The following IRF3 variants were observed in gnomAD, a reference collection of about 807,000 sequenced individuals.
The protein encoded by IRF3 is interferon regulatory factor 3.
In IRF3, 29 loss-of-function variants were observed where a neutral mutation model predicts 43.2. That is an observed-to-expected ratio of 0.67 (90% CI 0.50 to 0.91). The LOEUF (loss-of-function observed/expected upper bound fraction) is 0.91. IRF3 is among the 40% of genes least tolerant of loss of function. The probability of loss-of-function intolerance (pLI) is 0.00; values close to 1 mark genes in which losing one functional copy is unlikely to be tolerated. For missense variants in IRF3, 505 were observed against 559.1 expected (o/e 0.90, Z 0.98); for synonymous variants, 228 against 233.9 (o/e 0.97, Z 0.23).
chr19:49,661,048 C>T (rs1234020064), intron 6 of IRF3: 1 of 560,176 alleles, frequency 1.8e-6, no homozygotes, highest in Non-Finnish European at 3.2e-6. Flanking sequence ...CCCCAAGCCT[C>T]AGCATTCATA....
At chr19:49,664,360 C>T in intron 2 of IRF3, 1 of 1,020,644 alleles carries the variant, frequency 9.8e-7, no homozygotes, top group Non-Finnish European at 1.4e-6. Flanking sequence ...CAAGAACCAT[C>T]CCCCAGTATC....
At chr19:49,659,984 T>TACACACACACACATATACACACACAC (rs1421545567) in intron 7 of IRF3, 151 bp from the exon 8 acceptor site, 10 of 323,966 alleles carry the variant, frequency 3.1e-5, no homozygotes, top group Admixed American at 1.1e-4. Flanking sequence ...GTTGTAGTTT[T>TACACACACACACATATACACACACAC]ACACACACAC....
Position 49,663,238 on chromosome 19 carries a change from G to T in IRF3, c.358C>A (p.Pro120Thr). ...CCATTGGTGTCCGGAGAGGTGTCTGGCTGGGAAAAGTCCCCAACTCCTGTT... is the reference window on the plus strand; with the variant it reads ...CCATTGGTGTCCGGAGAGGTGTCTGTCTGGGAAAAGTCCCCAACTCCTGTT... ...VNSGVGDFSQPDTSPDTNGGG... is the reference protein window; with the variant it reads ...VNSGVGDFSQTDTSPDTNGGG... The change falls in exon 4 of 8, where the codon CCA (proline) becomes ACA (threonine). Residue 120 changes from proline (P) to threonine (T), a missense_variant. Physicochemically the swap from Pro to Thr is conservative, Grantham distance 38. Transcript: ENST00000377139. The T allele has an allele frequency of 6.2e-7, 1 of 1,614,132 alleles. No homozygotes were observed. Among genetic ancestry groups the T allele is most frequent in the Non-Finnish European group, 8.5e-7 (1 of 1,180,002 alleles).
chr19:49,663,603 C>T (rs2081459868), intron 2 of IRF3, 89 bp from the exon 3 acceptor site: 1 of 1,276,178 alleles, frequency 7.8e-7, no homozygotes, highest in African/African-American at 1.5e-5. Flanking sequence ...GTCCTAACAC[C>T]ACCCTCTTTC....
chr19:49,660,093 A>ATACACACACACATACACAC (rs2081250663), intron 7 of IRF3, among the ~76,000 whole-genome samples: 3 of 130,582 alleles, frequency 2.3e-5, no homozygotes, highest in African/African-American at 1.0e-4. Flanking sequence ...CACACACACA[A>ATACACACACACATACACAC]ACACACACAC....
chr19:49,664,887 C>A, intron 1 of IRF3, 41 bp from the exon 2 acceptor site: 1 of 1,577,138 alleles, frequency 6.3e-7, no homozygotes. Flanking sequence ...CCGGCCTCCC[C>A]CGGACCCACC....
Position 49,659,705 on chromosome 19 carries a change from C to T in IRF3, c.1227G>A (p.Lys409=). ...HPLSLTSDQY[K]AYLQDLVEGM... Reference sequence around the variant, plus strand: ...CCTCCACCAAGTCCTGCAGGTAGGCCTTGTACTGGTCGGAGGTGAGGGAGA... The same window carrying T: ...CCTCCACCAAGTCCTGCAGGTAGGCTTTGTACTGGTCGGAGGTGAGGGAGA... Residue 409 remains lysine, a synonymous_variant, in exon 8 of 8, where the codon AAG becomes AAA. Coordinates refer to ENST00000377139, the MANE Select transcript of IRF3 (RefSeq NM_001571.6). 6.2e-7 allele frequency: 1 copy of T among 1,613,904 alleles called. No homozygotes were observed. The highest frequency in any genetic ancestry group is 8.5e-7 in the Non-Finnish European group (1 of 1,179,912).
rs115732479 is a variant in IRF3, at chr19:49,665,280, C to T, written c.-9+351G>A. 2.3e-3 allele frequency: 415 copies of T among 179,562 alleles called. 2 individuals are homozygous for T. The highest frequency in any genetic ancestry group is 9.3e-3 in the African/African-American group (393 of 42,046). 11.1% of individuals were successfully genotyped at this position (179,562 alleles called of 1,614,324 possible). A position where few individuals can be genotyped will look rare whatever the true frequency, so the allele number is the denominator to read the frequency against. On this transcript the variant is annotated intron_variant, in intron 1 of 7. Coordinates refer to ENST00000377139, the MANE Select transcript of IRF3 (RefSeq NM_001571.6). ...CCACAGTCCCCCTACAGAAGATCTC[C>T]CAAAACATTTCCAACACAGAACTTC...
At position 49,660,796 on chromosome 19, in the gene IRF3, A is replaced by G; in HGVS notation, c.1015T>C (p.Ser339Pro). 6.2e-7 allele frequency: 1 copy of G among 1,608,822 alleles called. No homozygotes were observed. The highest frequency in any genetic ancestry group is 8.5e-7 in the Non-Finnish European group (1 of 1,177,944). Residue 339 changes from serine (S) to proline (P), a missense_variant, in exon 7 of 8, where the codon TCA becomes CCA. Transcript: ENST00000377139. ...CAGAACCAGAGGGCATAGCGTGGTGAGCGTCCGCTTCCTTCCGTGAAGGTA... is the reference window on the plus strand; with the variant it reads ...CAGAACCAGAGGGCATAGCGTGGTGGGCGTCCGCTTCCTTCCGTGAAGGTA... ...LITFTEGSGR[S>P]PRYALWFCVG...
At chr19:49,662,943 G>A (rs1028875152) in intron 4 of IRF3, among the ~76,000 whole-genome samples, 1 of 152,192 alleles carries the variant, frequency 6.6e-6, no homozygotes, top group African/African-American at 2.4e-5. Flanking sequence ...TTCCCAAGAG[G>A]CTGACAGCCC....
Position 49,665,615 on chromosome 19 carries a change from G to T in IRF3, c.-9+16C>A. The T allele has an allele frequency of 1.6e-6, 1 of 609,508 alleles. No individual in the cohort carries two copies. The highest frequency in any genetic ancestry group is 2.8e-6 in the Non-Finnish European group (1 of 355,922). 37.8% of individuals were successfully genotyped at this position (609,508 alleles called of 1,614,324 possible). On this transcript the variant is annotated intron_variant, in intron 1 of 7. Coordinates refer to ENST00000377139, the MANE Select transcript of IRF3 (RefSeq NM_001571.6). ...CTCGGACGCCACCAACGCTCTCCCG[G>T]GCTCTTCCGCGTTACCTACGATGGA...
chr19:49,665,579 C>G (rs1247330707), intron 1 of IRF3, 52 bp downstream of exon 1: 6 of 518,828 alleles, frequency 1.2e-5, no homozygotes, highest in Admixed American at 6.5e-5. Context: ...TCCTCTTTCC[C>G]GCTCCTCGCT....
Position 49,662,295 on chromosome 19 carries a change from C to T in IRF3, c.635G>A (p.Gly212Asp). Reference protein sequence around the residue: ...WEFEVTAFYRGRQVFQQTISC... With the variant: ...WEFEVTAFYRDRQVFQQTISC... ...GATGGTCTGCTGGAAGACTTGGCGG[C>T]CCCGGTAGAAGGCTGTCACCTCGAA... Residue 212 changes from glycine (G) to aspartate (D), a missense_variant, in exon 6 of 8, where the codon GGC (glycine) becomes GAC (aspartate). Transcript: ENST00000377139. The T allele has an allele frequency of 6.2e-7, 1 of 1,613,628 alleles. No homozygotes were observed. The highest frequency in any genetic ancestry group is 8.5e-7 in the Non-Finnish European group (1 of 1,180,026).
rs2304204 is a variant in IRF3 at position 49,665,763 on chromosome 19, T to C, written c.-141A>G. 0.28 allele frequency: 426,582 copies of C among 1,539,912 alleles called. 66,402 individuals carry two copies. Among genetic ancestry groups the C allele is most frequent in the African/African-American group, 0.67 (48,926 of 72,588 alleles). On this transcript the variant is annotated 5_prime_UTR_variant, in exon 1 of 8. Coordinates refer to ENST00000377139, the MANE Select transcript of IRF3 (RefSeq NM_001571.6). ...CTCTAGAGCGCTGGGGCTTTCTTTT[T>C]GATCGACTTCTTGAAATAAAACCAA...
At chr19:49,660,027 A>ACACACACACC (rs57168131) in intron 7 of IRF3, among the ~76,000 whole-genome samples, 194 bp from the exon 8 acceptor site, 27 of 74,748 alleles carry the variant, frequency 3.6e-4, no homozygotes, top group African/African-American at 2.0e-3. Context: ...ACACACACAC[A>ACACACACACC]CCCCCTGCTG....
intron 7 of IRF3, among the ~76,000 whole-genome samples, 194 bp from the exon 8 acceptor site, chr19:49,660,027 A>ACACACAC (rs57168131): frequency 2.1e-4 from 16 of 74,750 alleles, no homozygotes; most frequent in South Asian, 1.1e-3. Context: ...ACACACACAC[A>ACACACAC]CCCCCTGCTG....
chr19:49,661,745 A>T, intron 6 of IRF3: 2 of 601,190 alleles, frequency 3.3e-6, no homozygotes, highest in East Asian at 2.9e-5. Flanking sequence ...ACGCCCGACT[A>T]TTTTTTTGTA....
chr19:49,664,793 G>T lies in IRF3; in HGVS notation c.46C>A (p.Leu16Met). The T allele has an allele frequency of 6.2e-7, 1 of 1,613,926 alleles. No homozygotes were observed. Among genetic ancestry groups the T allele is most frequent in the Non-Finnish European group, 8.5e-7 (1 of 1,179,972 alleles). Residue 16 changes from leucine to methionine, a missense_variant, in exon 2 of 8, where the codon CTG becomes ATG. By Grantham distance (15) the Leu-to-Met change is conservative (BLOSUM62 2). Transcript: ENST00000377139. ...ACGCCCTCCAGTTGCCCCAGGTCCA[G>T]CTGCGACACCAGCCAGGGCAGGATC... The part of the protein sequence containing the change: ...PRILPWLVSQ[L>M]DLGQLEGVAW...
chr19:49,661,592 G>T (rs66675705), intron 6 of IRF3: 57,346 of 160,690 alleles, frequency 0.36, 13,416 homozygotes, highest in African/African-American at 0.69. Context: ...TTTTTTTTTT[G>T]TTGTTCGAGA....
Sources: allele counts gnomAD v4.1 joint callset (sites outside exome capture counted in the v4.1 genomes callset), GRCh38; gene constraint gnomAD v4.1.1; transcripts MANE v1.5; gene names NCBI Gene and HGNC (gene_info 2026-07-23, HGNC 2026-07-21).